The following GAK variants were observed in gnomAD, a reference collection of about 807,000 sequenced individuals.
The protein encoded by GAK is cyclin G associated kinase.
GAK carries 79 observed loss-of-function variants against 143.9 expected under a neutral mutation model. The observed-to-expected ratio is 0.55, with a 90% CI of 0.46 to 0.66. GAK has a LOEUF of 0.66. Ranked by LOEUF, GAK falls within the 30% of genes least tolerant of loss-of-function variation. The pLI is 0.00. For synonymous variants in GAK, 881 were observed against 765.5 expected (o/e 1.15, Z -2.49); for missense variants, 1,693 against 1,779.7 (o/e 0.95, Z 0.88).
chr4:894,352 G>T, intron 7 of GAK: 1 of 232,582 alleles, frequency 4.3e-6, no homozygotes, highest in Non-Finnish European at 8.5e-6. Flanking sequence ...GGAATGCAGG[G>T]GTGACGTCGG....
chr4:880,206 G>A (rs1241296182), intron 15 of GAK, among the ~76,000 whole-genome samples: 1 of 148,490 alleles, frequency 6.7e-6, no homozygotes, highest in African/African-American at 2.5e-5. Flanking sequence ...CAGCTCTGAC[G>A]AACGCCCCAC....
intron 9 of GAK, among the ~76,000 whole-genome samples, chr4:892,015 C>T (rs561288257): frequency 2.6e-5 from 4 of 152,304 alleles, no homozygotes; most frequent in South Asian, 4.1e-4. Context: ...AGCCTCTCCC[C>T]GTCTGCACTG....
intron 4 of GAK, among the ~76,000 whole-genome samples, chr4:907,793 C>T (rs1039090551): frequency 6.6e-6 from 1 of 152,250 alleles, no homozygotes; most frequent in South Asian, 2.1e-4. Flanking sequence ...CCTGGCACAG[C>T]TGTGCCATCC....
intron 1 of GAK, chr4:915,861 G>C (rs752004541): frequency 6.6e-6 from 1 of 152,134 alleles, no homozygotes; most frequent in Non-Finnish European, 1.5e-5. Context: ...AGTTCTCGCC[G>C]GTGCCATCAG....
chr4:918,505 T>C (rs1381200464), intron 1 of GAK, among the ~76,000 whole-genome samples: 1 of 152,242 alleles, frequency 6.6e-6, no homozygotes, highest in Non-Finnish European at 1.5e-5. Flanking sequence ...ACGGTGACTA[T>C]ACAGTTACTA....
chr4:897,472 C>A (rs556815482), intron 6 of GAK, among the ~76,000 whole-genome samples: 12 of 151,860 alleles, frequency 7.9e-5, no homozygotes, highest in African/African-American at 2.4e-4. Context: ...AGCTCCAAGA[C>A]ACAGGGTGAG....
intron 24 of GAK, chr4:852,446 C>CA (rs797007274): frequency 6.1e-6 from 1 of 163,052 alleles, no homozygotes; most frequent in African/African-American, 2.4e-5. Context: ...GATCCCGTAA[C>CA]TTTTTTTTTT....
intron 24 of GAK, among the ~76,000 whole-genome samples, chr4:858,049 C>T (rs774932339): frequency 4.6e-5 from 7 of 152,182 alleles, no homozygotes; most frequent in Non-Finnish European, 5.9e-5. Flanking sequence ...AAGATTCTTC[C>T]GTTCTATTTC....
At chr4:895,897 G>A (rs946837467) in intron 7 of GAK, among the ~76,000 whole-genome samples, 1 of 152,200 alleles carries the variant, frequency 6.6e-6, no homozygotes, top group Admixed American at 6.5e-5. Context: ...GGACGGGGCC[G>A]AGGGGAGCCT....
At chr4:895,102 C>T (rs1166321829) in intron 7 of GAK, among the ~76,000 whole-genome samples, 4 of 152,228 alleles carry the variant, frequency 2.6e-5, no homozygotes, top group African/African-American at 4.8e-5. Context: ...CTGCTGTGTG[C>T]TATGCGAGGG....
At chr4:921,125 C>T (rs561999650) in intron 1 of GAK, among the ~76,000 whole-genome samples, 106 of 151,652 alleles carry the variant, frequency 7.0e-4, no homozygotes, top group African/African-American at 2.5e-3. Flanking sequence ...TTTTTTGAGA[C>T]GGAGTCTCGC....
chr4:930,944 G>GGT (rs1448207648), intron 1 of GAK, among the ~76,000 whole-genome samples: 1 of 152,218 alleles, frequency 6.6e-6, no homozygotes, highest in East Asian at 1.9e-4. Flanking sequence ...GCCCTGAGAG[G>GGT]TACCAGGGAG....
At chr4:887,179 T>C (rs1716540069) in intron 11 of GAK, 2 of 140,546 alleles carry the variant, frequency 1.4e-5, no homozygotes. Flanking sequence ...CACACACGCG[T>C]ACACATGCAC....
chr4:862,756 G>A (rs1317934394), intron 23 of GAK, among the ~76,000 whole-genome samples: 1 of 152,116 alleles, frequency 6.6e-6, no homozygotes, highest in Non-Finnish European at 1.5e-5. Flanking sequence ...ATGGTTTATG[G>A]AATATTTTAA....
rs531705860 is a variant in GAK, at chr4:909,504, G to A, written c.382+2169C>T. On this transcript the variant is annotated intron_variant, in intron 4 of 27. Coordinates refer to ENST00000314167, the MANE Select transcript of GAK (RefSeq NM_005255.4). The stretch of plus-strand genomic sequence containing the variant: ...ACAGCCCAGCACGGACTGCATGGAC[G>A]CACGGGAGGGGCCGGGAGCGGCGTG... Among the ~76,000 whole-genome samples, 474 of 152,332 alleles carry A rather than the reference G, an allele frequency of 3.1e-3. 1 individual carries two copies. The highest frequency in any genetic ancestry group is 5.2e-3 in the Non-Finnish European group (355 of 68,024).
chr4:902,798 A>G (rs970527467), intron 5 of GAK, among the ~76,000 whole-genome samples: 2 of 152,130 alleles, frequency 1.3e-5, no homozygotes, highest in African/African-American at 4.8e-5. Context: ...GGCGACACTT[A>G]GCAGATTATG....
At chr4:875,928 G>A (rs1429358034) in intron 18 of GAK, among the ~76,000 whole-genome samples, 1 of 152,204 alleles carries the variant, frequency 6.6e-6, no homozygotes, top group African/African-American at 2.4e-5. Context: ...GCGTTAGAGC[G>A]AGACTCTGTC....
intron 7 of GAK, among the ~76,000 whole-genome samples, chr4:895,015 A>AAATAAAT (rs59025740): frequency 0.19 from 19,466 of 103,910 alleles, 1,507 homozygotes; most frequent in South Asian, 0.27. Flanking sequence ...ATAAATAAAT[A>AAATAAAT]AAGGTTCCTT....
chr4:915,229 C>T (rs2152951971), intron 1 of GAK, among the ~76,000 whole-genome samples: 1 of 149,774 alleles, frequency 6.7e-6, no homozygotes, highest in Non-Finnish European at 1.5e-5. Flanking sequence ...ACATGGCCCC[C>T]CGCACTCAGC....
Sources: allele counts gnomAD v4.1 joint callset (sites outside exome capture counted in the v4.1 genomes callset), GRCh38; gene constraint gnomAD v4.1.1; transcripts MANE v1.5; gene names NCBI Gene and HGNC (gene_info 2026-07-23, HGNC 2026-07-21).